DOK7: variants seen among roughly 807,000 people sequenced by gnomAD.
DOK7 encodes the protein protein Dok-7.
DOK7 carries 32 observed loss-of-function variants against 30.7 expected under a neutral mutation model. The observed-to-expected ratio is 1.04, with a 90% confidence interval of 0.79 to 1.40. The LOEUF (loss-of-function observed/expected upper bound fraction) is 1.40. Among genes scored for constraint, DOK7 ranks in the 40% most tolerant of loss-of-function variants. DOK7 has a pLI of 0.00. For missense variants in DOK7, 1,007 were observed against 699.2 expected (o/e 1.44, Z -4.97); for synonymous variants, 447 against 324.1 (o/e 1.38, Z -4.07).
Position 3,493,156 on chromosome 4 carries a change from C to T in DOK7, c.1170C>T (p.Pro390=), listed in dbSNP as rs199525739. The T allele has an allele frequency of 6.5e-5, 105 of 1,605,378 alleles. No individual in the cohort carries two copies. The highest frequency in any genetic ancestry group is 1.4e-4 in the South Asian group (13 of 90,094). Residue 390 remains proline, a synonymous_variant, in exon 7 of 7, where the codon CCC becomes CCT. Coordinates refer to ENST00000340083, the MANE Select transcript of DOK7 (RefSeq NM_173660.5). The part of the protein sequence containing the change: ...APEPSLCTCL[P]GTVEYQVPTS... ...AGCCCAGCCTGTGCACCTGCCTGCC[C>T]GGGACAGTCGAGTACCAGGTGCCCA...
chr4:3,474,947 C>T (rs952837472), intron 3 of DOK7, among the ~76,000 whole-genome samples: 1 of 152,188 alleles, frequency 6.6e-6, no homozygotes, highest in Non-Finnish European at 1.5e-5. Context: ...CTATTTTGAT[C>T]AGCATGGACT....
At chr4:3,497,996 C>G (rs530785662), downstream of DOK7, among the ~76,000 whole-genome samples, 1 of 152,296 alleles carries the variant, frequency 6.6e-6, no homozygotes, top group East Asian at 1.9e-4. Flanking sequence ...ATCAAGGGGA[C>G]AGGCCCAGTA....
At chr4:3,494,995 C>CG (rs1357178986), downstream of DOK7, among the ~76,000 whole-genome samples, 1 of 152,158 alleles carries the variant, frequency 6.6e-6, no homozygotes, top group South Asian at 2.1e-4. Context: ...TGACTCTGAG[C>CG]GGGGAGTTCT....
At chr4:3,484,713 C>T in intron 4 of DOK7, 1 of 985,504 alleles carries the variant, frequency 1.0e-6, no homozygotes. Context: ...GGATGCTGGC[C>T]CCAGGATGCT....
intron 6 of DOK7, 68 bp from the exon 7 acceptor site, chr4:3,492,691 G>C: frequency 2.5e-6 from 4 of 1,597,642 alleles, no homozygotes; most frequent in East Asian, 2.2e-5. Flanking sequence ...GGGTCCACCA[G>C]GCATCAGCCA....
chr4:3,473,127 A>G (rs1337476798), intron 2 of DOK7, among the ~76,000 whole-genome samples: 2 of 152,224 alleles, frequency 1.3e-5, no homozygotes, highest in African/African-American at 2.4e-5. Flanking sequence ...CAAATCCGCC[A>G]GTGAAGGTCC....
intron 2 of DOK7, among the ~76,000 whole-genome samples, chr4:3,469,798 C>G (rs1050362009): frequency 1.3e-5 from 2 of 152,196 alleles, no homozygotes; most frequent in Non-Finnish European, 2.9e-5. Flanking sequence ...GAGAGATGCA[C>G]TTTAAAAACA....
intron 6 of DOK7, among the ~76,000 whole-genome samples, chr4:3,500,010 C>T (rs1169456020): frequency 2.0e-5 from 3 of 151,070 alleles, no homozygotes; most frequent in Non-Finnish European, 4.4e-5. Flanking sequence ...GAGGGGACAG[C>T]GCTTCCTTCT....
intron 5 of DOK7, among the ~76,000 whole-genome samples, chr4:3,489,409 G>A (rs923711917): frequency 1.7e-4 from 26 of 152,324 alleles, no homozygotes; most frequent in South Asian, 8.3e-4. Context: ...GGGTCTGGCC[G>A]GCGTGGGGTC....
chr4:3,486,042 G>C lies in DOK7; in HGVS notation c.652+384G>C, dbSNP rs558563175. Among the ~76,000 whole-genome samples the C allele has an allele frequency of 9.0e-4, 137 of 152,328 alleles. 2 individuals carry two copies. Among genetic ancestry groups the C allele is most frequent in the Non-Finnish European group, 3.2e-4 (22 of 68,018 alleles). On this transcript the variant is annotated intron_variant, in intron 5 of 6. Coordinates refer to ENST00000340083, the MANE Select transcript of DOK7 (RefSeq NM_173660.5). ...AGGCCTTGCCCGAGCTCGGTGGCCC[G>C]GGGGCAGCTGGTCTGACTCTGCAGC...
chr4:3,500,319 G>C (rs992134227), exon 7 of DOK7: 2 of 1,535,858 alleles, frequency 1.3e-6, no homozygotes, highest in Non-Finnish European at 1.7e-6. Flanking sequence ...GCCCACTTAC[G>C]TGAACATCCC....
At chr4:3,480,373 G>A (rs533072530) in intron 4 of DOK7, among the ~76,000 whole-genome samples, 96 of 152,242 alleles carry the variant, frequency 6.3e-4, no homozygotes, top group African/African-American at 1.9e-3. Context: ...TTTGGGAGGC[G>A]GAGGTGGGAG....
chr4:3,466,828 G>A (rs1242646008), intron 2 of DOK7, among the ~76,000 whole-genome samples: 2 of 152,214 alleles, frequency 1.3e-5, no homozygotes, highest in Non-Finnish European at 2.9e-5. Context: ...GATGTCTGTG[G>A]TCTGGGGGGC....
At chr4:3,499,802 G>C (rs941000963) in intron 6 of DOK7, among the ~76,000 whole-genome samples, 1 of 152,094 alleles carries the variant, frequency 6.6e-6, no homozygotes, top group Non-Finnish European at 1.5e-5. Context: ...ACAGTGAGGG[G>C]GAGGTGCTGG....
downstream of DOK7, chr4:3,494,546 T>C: frequency 2.0e-6 from 2 of 982,682 alleles, no homozygotes; most frequent in Non-Finnish European, 1.2e-6. Flanking sequence ...ACGTGGGGCC[T>C]CTGCCTGGAT....
chr4:3,476,573 G>A (rs1306329076), intron 4 of DOK7, 31 bp downstream of exon 4: 6 of 1,612,554 alleles, frequency 3.7e-6, no homozygotes, highest in East Asian at 4.5e-5. Flanking sequence ...TCACTGGGCA[G>A]CAGCAGCACC....
rs566877073 is a variant in DOK7, at chr4:3,480,254, CTT to C, written c.532+3714_532+3715del. Among the ~76,000 whole-genome samples, 15 of 152,350 alleles carry C rather than the reference CTT, an allele frequency of 9.8e-5. No individual in the cohort carries two copies. In the South Asian group the frequency reaches 3.1e-3, roughly 32 times the overall value. On this transcript the variant is annotated intron_variant, in intron 4 of 6. Transcript: ENST00000340083. Reference sequence around the variant, plus strand: ...TCCAGTCCAAGGACCATATCTGCCTCTTTGCCCAGCCTCTGGGGGCCGCCCGG... The same window carrying C: ...TCCAGTCCAAGGACCATATCTGCCTCTGCCCAGCCTCTGGGGGCCGCCCGG...
intron 4 of DOK7, among the ~76,000 whole-genome samples, chr4:3,481,964 A>C (rs191563946): frequency 6.6e-6 from 1 of 152,148 alleles, no homozygotes; most frequent in Non-Finnish European, 1.5e-5. Flanking sequence ...GCCTCTGTCC[A>C]GAGTTGGCGC....
chr4:3,496,679 G>A (rs1167410302), downstream of DOK7: 37 of 829,896 alleles, frequency 4.5e-5, no homozygotes, highest in Non-Finnish European at 5.5e-5. Context: ...CAGGTATGGC[G>A]GGCTGGACTC....
Sources: allele counts gnomAD v4.1 joint callset (sites outside exome capture counted in the v4.1 genomes callset), GRCh38; gene constraint gnomAD v4.1.1; transcripts MANE v1.5; gene names NCBI Gene and HGNC (gene_info 2026-07-23, HGNC 2026-07-21).